CAPN12: variants seen among roughly 807,000 people sequenced by gnomAD.
CAPN12 encodes the protein calpain-12.
A neutral mutation model predicts 95.0 loss-of-function variants in CAPN12; 107 were observed. The ratio of observed to expected loss-of-function variants is 1.13; its 90% CI spans 0.96 to 1.32. CAPN12 has a LOEUF of 1.32. Among genes scored for constraint, CAPN12 ranks in the 40% most tolerant of loss-of-function variants. The probability of loss-of-function intolerance (pLI) is 0.00; values close to 1 mark genes in which losing one functional copy is unlikely to be tolerated. For synonymous variants in CAPN12, 505 were observed against 415.5 expected (o/e 1.22, Z -2.62); for missense variants, 1,136 against 997.8 (o/e 1.14, Z -1.87).
In CAPN12 at chr19:38,734,321, C is replaced by T. The variant is rs144459133; in HGVS notation, c.1813G>A (p.Gly605Arg). The T allele has an allele frequency of 1.6e-4, 254 of 1,607,610 alleles. No homozygotes were observed. The highest frequency in any genetic ancestry group is 2.1e-4 in the Non-Finnish European group (247 of 1,176,658). The change falls in exon 16 of 21, where the codon GGG becomes AGG. Residue 605 changes from glycine to arginine, a missense_variant and splice_region_variant. Transcript: ENST00000328867. ...RTCEQLLQCF[G>R]HGQSLALHHF... The stretch of plus-strand genomic sequence containing the variant: ...CCCAGGCACTGCCCCCCATGTACCC[C>T]GAAACACTGCAGCAGCTGCTCACAG...
Position 38,734,380 on chromosome 19 carries a change from T to G in CAPN12, c.1754A>C (p.His585Pro), listed in dbSNP as rs759227553. ...CCCGATCTCTCTGGGGGTGGAGGTA[T>G]GGGCCCTGGCTACAGGAAAAACAAA... Reference protein sequence around the residue: ...LSIALEPARAHTSTPREIGLR... With the variant: ...LSIALEPARAPTSTPREIGLR... Residue 585 changes from histidine (H) to proline (P), a missense_variant, in exon 16 of 21, where the codon CAT (histidine) becomes CCT (proline). Coordinates refer to ENST00000328867, the MANE Select transcript of CAPN12 (RefSeq NM_144691.4). 6.3e-7 allele frequency: 1 copy of G among 1,599,006 alleles called. No homozygotes were observed. The highest frequency in any genetic ancestry group is 1.1e-5 in the South Asian group (1 of 89,452).
In CAPN12 at chr19:38,738,460, TTCCGCA is replaced by T; in HGVS notation, c.842_847del (p.Leu281_Asn283delinsHis). 6.2e-7 allele frequency: 1 copy of T among 1,607,962 alleles called. No individual in the cohort carries two copies. Among genetic ancestry groups the T allele is most frequent in the Non-Finnish European group, 8.5e-7 (1 of 1,177,230 alleles). On this transcript the variant is annotated inframe_deletion, in exon 7 of 21. Transcript: ENST00000328867. ...CGTCCACTCCACGCAGCCCCATGGG[TTCCGCA>T]GCCGCAGCAGCCGCACCTTGGTGAA... is the stretch of plus-strand genomic sequence containing the variant.
chr19:38,733,796 T>A lies in CAPN12; in HGVS notation c.1879-15A>T, dbSNP rs1969810240. 6.2e-7 allele frequency: 1 copy of A among 1,607,912 alleles called. No individual in the cohort carries two copies. The highest frequency in any genetic ancestry group is 1.3e-5 in the African/African-American group (1 of 74,928). On this transcript the variant is annotated splice_polypyrimidine_tract_variant and intron_variant, in intron 17 of 20. Coordinates refer to ENST00000328867, the MANE Select transcript of CAPN12 (RefSeq NM_144691.4). Reference sequence around the variant, plus strand: ...TTAAATATGGCCTGGGCAGGAAGGATGAGTCAGGGCTGCCCTCCATGCCCT... The same window carrying A: ...TTAAATATGGCCTGGGCAGGAAGGAAGAGTCAGGGCTGCCCTCCATGCCCT...
Position 38,738,130 on chromosome 19 carries a change from C to T in CAPN12, c.965+143G>A, listed in dbSNP as rs1358198351. ...TACTACCAATTCTTCCTTGATTTCC[C>T]AAAATAGAACCTGGCCCCAAAATTA... is the stretch of plus-strand genomic sequence containing the variant. On this transcript the variant is annotated intron_variant, in intron 8 of 20. Transcript: ENST00000328867. The T allele has an allele frequency of 1.5e-5, 12 of 808,926 alleles. No individual in the cohort carries two copies. In the Admixed American group the frequency reaches 2.1e-4, roughly 14 times the overall value. The allele number at this position is 808,926 out of a possible 1,614,324, so 50.1% of individuals were successfully genotyped here. A position where few individuals can be genotyped will look rare whatever the true frequency, so the allele number is the denominator to read the frequency against.
At position 38,742,417 on chromosome 19, in the gene CAPN12, T is replaced by A; in HGVS notation, c.419A>T (p.His140Leu). ...DFQHGYAGVFHFQLWQFGRWM... is the reference protein window; with the variant it reads ...DFQHGYAGVFLFQLWQFGRWM... ...AGAGGAACTGAGCTGTACCTGGAAG[T>A]GGAAGACGCCTGCGTAGCCATGCTG... The change falls in exon 3 of 21, where the codon CAC becomes CTC. Residue 140 changes from histidine (H) to leucine (L), a missense_variant. Transcript: ENST00000328867. The A allele has an allele frequency of 6.2e-7, 1 of 1,611,166 alleles. No individual in the cohort carries two copies. The highest frequency in any genetic ancestry group is 8.5e-7 in the Non-Finnish European group (1 of 1,177,894).
chr19:38,736,529 G>T (rs943359588), intron 11 of CAPN12, 23 bp downstream of exon 11: 5 of 1,512,112 alleles, frequency 3.3e-6, no homozygotes, highest in Non-Finnish European at 4.4e-6. Flanking sequence ...CCCCAGGGCC[G>T]GTTGACCCCA....
Position 38,735,643 on chromosome 19 carries a change from G to GGAATCGCGTGGGGTCTAGGTAA in CAPN12, c.1584-100_1584-99insTTACCTAGACCCCACGCGATTC, listed in dbSNP as rs1568775636. The GGAATCGCGTGGGGTCTAGGTAA allele has an allele frequency of 1.2e-4, 131 of 1,106,622 alleles. No individual in the cohort carries two copies. The African/African-American group carries it at 2.6e-3, about 22-fold the overall frequency. 68.6% of individuals were successfully genotyped at this position (1,106,622 alleles called of 1,614,324 possible). On this transcript the variant is annotated intron_variant, in intron 12 of 20. Coordinates refer to ENST00000328867, the MANE Select transcript of CAPN12 (RefSeq NM_144691.4). Reference sequence around the variant, plus strand: ...TGAGGAATCGCGTGGGGTCTAGGTAGGGACCGTGGAGCCCTGGGCTCATCC... The same window carrying GGAATCGCGTGGGGTCTAGGTAA: ...TGAGGAATCGCGTGGGGTCTAGGTAGGAATCGCGTGGGGTCTAGGTAAGGACCGTGGAGCCCTGGGCTCATCC...
intron 8 of CAPN12, among the ~76,000 whole-genome samples, chr19:38,738,054 C>G (rs1163754891): frequency 6.6e-6 from 1 of 152,212 alleles, no homozygotes; most frequent in Admixed American, 6.5e-5. Context: ...TTCAAATTCC[C>G]CTCATATTAC....
At chr19:38,743,487 C>T (rs1301984522) in intron 1 of CAPN12, among the ~76,000 whole-genome samples, 1 of 122,014 alleles carries the variant, frequency 8.2e-6, no homozygotes, top group African/African-American at 3.0e-5. Context: ...CCGAGCCCCT[C>T]CTCCCTCAGA....
chr19:38,736,589 T>C, intron 10 of CAPN12, 26 bp from the exon 11 acceptor site: 1 of 1,602,540 alleles, frequency 6.2e-7, no homozygotes, highest in Non-Finnish European at 8.5e-7. Context: ...GCAAGGGGCG[T>C]CGGGGCAGGG....
Position 38,734,368 on chromosome 19 carries a change from G to T in CAPN12, c.1766C>A (p.Pro589His). Residue 589 changes from proline to histidine, a missense_variant, in exon 16 of 21, where the codon CCC becomes CAC. By Grantham distance (77) the Pro-to-His change is moderately conservative. Transcript: ENST00000328867. ...ACAGGTCCTGAGCCCGATCTCTCTG[G>T]GGGTGGAGGTATGGGCCCTGGCTAC... ...LEPARAHTST[P>H]REIGLRTCEQ... The T allele has an allele frequency of 2.5e-6, 4 of 1,604,932 alleles. No homozygotes were observed. Among genetic ancestry groups the T allele is most frequent in the African/African-American group, 1.3e-5 (1 of 74,818 alleles).
rs779442394 is a variant in CAPN12, at chr19:38,737,301, C to A, written c.1217G>T (p.Gly406Val). 8 of 1,552,984 alleles carry A rather than the reference C, an allele frequency of 5.2e-6. No homozygotes were observed. The highest frequency in any genetic ancestry group is 3.9e-5 in the Admixed American group (2 of 51,712). The stretch of plus-strand genomic sequence containing the variant: ...GCCCCGTGCCCCTGCAGCCCCCCAG[C>A]CCCCCCAGGGCCCTTCCTCATCCTC... ...DDEDEEGPWG[G>V]WGAAGARGPA... The change falls in exon 10 of 21, where the codon GGC becomes GTC. Residue 406 changes from glycine (G) to valine (V), a missense_variant. Transcript: ENST00000328867.
In CAPN12 at chr19:38,735,479, G is replaced by C. The variant is rs115595504; in HGVS notation, c.1626+23C>G. On this transcript the variant is annotated intron_variant, in intron 13 of 20. Coordinates refer to ENST00000328867, the MANE Select transcript of CAPN12 (RefSeq NM_144691.4). ...CTGGCCAAGATCCCCGCCCCATGCC[G>C]CCCCTCCAGGAACAGTCCCCACCTG... 60 of 1,610,706 alleles carry C rather than the reference G, an allele frequency of 3.7e-5. No individual in the cohort carries two copies. In the African/African-American group the frequency reaches 7.8e-4, roughly 21 times the overall value.
rs149932497 is a variant in CAPN12, at chr19:38,743,052, G to A, written c.288C>T (p.Asp96=). 1.9e-4 allele frequency: 303 copies of A among 1,613,996 alleles called. No individual in the cohort carries two copies. In the East Asian group the frequency reaches 2.3e-3, roughly 12 times the overall value. ...TCTCACCCAGGCTCCCCTGACACACGTCTGTGCGGCTCATGTCTTCACAGA... is the reference window on the plus strand; with the variant it reads ...TCTCACCCAGGCTCCCCTGACACACATCTGTGCGGCTCATGTCTTCACAGA... ...KFICEDMSRT[D]VCQGSLGNCW... is the part of the protein sequence containing the mutation. Residue 96 remains aspartate, a synonymous_variant, in exon 2 of 21, where the codon GAC becomes GAT. Transcript: ENST00000328867.
In CAPN12 at chr19:38,744,208, C is replaced by T. The variant is rs1171616298; in HGVS notation, c.-43G>A. The T allele has an allele frequency of 6.3e-7, 1 of 1,585,396 alleles. No individual in the cohort carries two copies. Among genetic ancestry groups the T allele is most frequent in the Non-Finnish European group, 8.6e-7 (1 of 1,156,706 alleles). On this transcript the variant is annotated 5_prime_UTR_variant, in exon 1 of 21. Coordinates refer to ENST00000328867, the MANE Select transcript of CAPN12 (RefSeq NM_144691.4). ...AAGCCGGCACCAGGCCCTTTAACCT[C>T]CTGAGTCACGGGGGCGGGGCCTCTC...
rs1358615027 is a variant in CAPN12 at position 38,730,622 on chromosome 19, C to A, written c.*230G>T. The A allele has an allele frequency of 4.9e-6, 3 of 607,672 alleles. No individual in the cohort carries two copies. The highest frequency in any genetic ancestry group is 8.8e-6 in the Non-Finnish European group (3 of 340,586). 37.6% of individuals were successfully genotyped at this position (607,672 alleles called of 1,614,324 possible). A position where few individuals can be genotyped will look rare whatever the true frequency, so the allele number is the denominator to read the frequency against. On this transcript the variant is annotated 3_prime_UTR_variant, in exon 21 of 21. Transcript: ENST00000328867. ...CAGAGCTAGCACTGTCTTAAGCTGT[C>A]AACGTGGACTAGCTCGTGTCATCTG...
chr19:38,731,062 C>A (rs558800611), intron 19 of CAPN12, 39 bp from the exon 20 acceptor site: 5 of 1,564,518 alleles, frequency 3.2e-6, no homozygotes, highest in East Asian at 4.8e-5. Flanking sequence ...CACCAGTCCC[C>A]GTACCCCTTC....
chr19:38,734,022 C>T (rs961551154), intron 17 of CAPN12, 120 bp downstream of exon 17: 13 of 1,125,498 alleles, frequency 1.2e-5, no homozygotes, highest in African/African-American at 9.4e-5. Flanking sequence ...CAGATCTCTC[C>T]AAGTCAGCCT....
In CAPN12 at chr19:38,737,244, G is replaced by C; in HGVS notation, c.1274C>G (p.Thr425Arg). Residue 425 changes from threonine (T) to arginine (R), a missense_variant, in exon 10 of 21, where the codon ACG becomes AGG. Thr to Arg is a moderately conservative substitution (Grantham distance 71). Transcript: ENST00000328867. Reference sequence around the variant, plus strand: ...GCGCTGGATGAGGGACAGAAGGACCGTGCACTTGGGCGTGCGGCCCCCCCG... The same window carrying C: ...GCGCTGGATGAGGGACAGAAGGACCCTGCACTTGGGCGTGCGGCCCCCCCG... ...PARGGRTPKC[T>R]VLLSLIQRNR... 6.4e-7 allele frequency: 1 copy of C among 1,550,936 alleles called. No homozygotes were observed. Among genetic ancestry groups the C allele is most frequent in the Non-Finnish European group, 8.7e-7 (1 of 1,148,318 alleles).
Sources: gnomAD v4.1 joint callset for allele counts (sites outside exome capture counted in the v4.1 genomes callset) on GRCh38, gnomAD v4.1.1 for gene constraint, MANE v1.5 for transcripts, NCBI Gene and HGNC (gene_info 2026-07-23, HGNC 2026-07-21) for gene names.